The following LRP12 variants were observed in gnomAD, a reference collection of about 807,000 sequenced individuals.
LRP12 encodes low-density lipoprotein receptor-related protein 12.
In LRP12, 14 loss-of-function variants were observed where a neutral mutation model predicts 66.0. The observed-to-expected ratio is 0.21, with a 90% CI of 0.14 to 0.33. LRP12 has a LOEUF of 0.33. Among genes scored for constraint, LRP12 ranks in the 10% least tolerant of loss-of-function variants. LRP12 has a pLI of 1.00. For missense variants in LRP12, 889 were observed against 1,053.4 expected, an observed-to-expected ratio of 0.84 and a Z score of 2.16; for synonymous variants, 357 against 359.1, an observed-to-expected ratio of 0.99 and a Z score of 0.07.
At chr8:104,556,630 G>C (rs1048947882) in intron 1 of LRP12, among the ~76,000 whole-genome samples, 1 of 151,936 alleles carries the variant, frequency 6.6e-6, no homozygotes, top group Non-Finnish European at 1.5e-5. Context: ...TTAAAAAATT[G>C]TTCACAAAAA....
chr8:104,509,113 C>A (rs368532895), intron 2 of LRP12, 39 bp from the exon 3 acceptor site: 2 of 1,597,396 alleles, frequency 1.3e-6, no homozygotes, highest in African/African-American at 2.7e-5. Flanking sequence ...TATTATTACA[C>A]ATTTAAATGG....
At chr8:104,552,779 G>C (rs537473285) in intron 1 of LRP12, among the ~76,000 whole-genome samples, 2 of 152,170 alleles carry the variant, frequency 1.3e-5, no homozygotes, top group Admixed American at 1.3e-4. Context: ...AGACAGAGCA[G>C]TGTGTGGAGA....
chr8:104,542,032 G>A (rs995330856), intron 1 of LRP12, among the ~76,000 whole-genome samples: 1 of 152,118 alleles, frequency 6.6e-6, no homozygotes, highest in Admixed American at 6.5e-5. Flanking sequence ...GAACTGGTGG[G>A]TCATATGGTA....
intron 1 of LRP12, among the ~76,000 whole-genome samples, chr8:104,559,771 A>G (rs891234326): frequency 2.6e-5 from 4 of 152,138 alleles, no homozygotes; most frequent in African/African-American, 9.7e-5. Context: ...CTTGTTAATC[A>G]TACCATTTGA....
At chr8:104,498,965 T>G (rs1810781240) in intron 4 of LRP12, among the ~76,000 whole-genome samples, 1 of 152,216 alleles carries the variant, frequency 6.6e-6, no homozygotes, top group Non-Finnish European at 1.5e-5. Context: ...GTCTTTTCTC[T>G]GGAGGTATAA....
At chr8:104,516,422 T>C (rs1811073107) in intron 2 of LRP12, among the ~76,000 whole-genome samples, 1 of 152,052 alleles carries the variant, frequency 6.6e-6, no homozygotes, top group Non-Finnish European at 1.5e-5. Context: ...ACTGAATACA[T>C]ATTTTTAAAA....
chr8:104,542,994 A>AATATAAATATATATATAT (rs544043214), intron 1 of LRP12, among the ~76,000 whole-genome samples: 33 of 144,114 alleles, frequency 2.3e-4, no homozygotes, highest in African/African-American at 8.1e-4. Context: ...AACACACACA[A>AATATAAATATATATATAT]ATATATATAT....
intron 3 of LRP12, chr8:104,504,417 C>G (rs1810874522): frequency 6.6e-6 from 1 of 151,914 alleles, no homozygotes; most frequent in Non-Finnish European, 1.5e-5. Context: ...TATTTATTTT[C>G]TAATTTTTAA....
At chr8:104,577,424 C>G (rs1030758173) in intron 1 of LRP12, among the ~76,000 whole-genome samples, 1 of 152,134 alleles carries the variant, frequency 6.6e-6, no homozygotes, top group African/African-American at 2.4e-5. Context: ...GACTAAGAGA[C>G]TCACTAAAAA....
intron 2 of LRP12, among the ~76,000 whole-genome samples, chr8:104,510,363 A>AT (rs754660989): frequency 1.6e-4 from 25 of 152,220 alleles, no homozygotes; most frequent in Admixed American, 1.2e-3. Context: ...TAAAAGTAAA[A>AT]TTTTGAAATA....
chr8:104,548,600 A>AACTATATAATTAAATTAATTATATAATT (rs1811672946), intron 1 of LRP12, among the ~76,000 whole-genome samples: 1 of 112,866 alleles, frequency 8.9e-6, no homozygotes, highest in Non-Finnish European at 1.7e-5. Context: ...TATAATATAG[A>AACTATATAATTAAATTAATTATATAATT]ATTATATAAT....
At chr8:104,562,815 G>A (rs570413351) in intron 1 of LRP12, among the ~76,000 whole-genome samples, 2 of 152,146 alleles carry the variant, frequency 1.3e-5, no homozygotes, top group Non-Finnish European at 2.9e-5. Context: ...CTTGAGGGTA[G>A]GTAGTGTAAA....
intron 2 of LRP12, among the ~76,000 whole-genome samples, chr8:104,526,301 T>C (rs1811237402): frequency 1.3e-5 from 2 of 152,086 alleles, no homozygotes; most frequent in Admixed American, 6.6e-5. Flanking sequence ...AAGCTACCAA[T>C]GACTTCCTTC....
chr8:104,490,845 C>T lies in LRP12; in HGVS notation c.2408G>A (p.Gly803Glu), dbSNP rs1374661643. 6.2e-7 allele frequency: 1 copy of T among 1,614,072 alleles called. No individual in the cohort carries two copies. Residue 803 changes from glycine to glutamate, a missense_variant, in exon 7 of 7, where the codon GGA (glycine) becomes GAA (glutamate). This residue lies in a region of LRP12 where 800 missense variants were observed against 964.5 expected (regional missense o/e 0.83). Coordinates refer to ENST00000276654, the MANE Select transcript of LRP12 (RefSeq NM_013437.5). Reference protein sequence around the residue: ...RPLLDLASDQGQGLRQPYNAT... With the variant: ...RPLLDLASDQEQGLRQPYNAT... ...ATTATATGGTTGTCTAAGCCCTTGTCCTTGATCTGAGGCAAGATCAAGAAG... is the reference window on the plus strand; with the variant it reads ...ATTATATGGTTGTCTAAGCCCTTGTTCTTGATCTGAGGCAAGATCAAGAAG...
At chr8:104,518,911 G>A (rs936868365) in intron 2 of LRP12, among the ~76,000 whole-genome samples, 5 of 151,992 alleles carry the variant, frequency 3.3e-5, no homozygotes, top group African/African-American at 1.2e-4. Flanking sequence ...CTTAATAATG[G>A]ACAGTCTGGA....
At chr8:104,552,349 A>C (rs571577314) in intron 1 of LRP12, among the ~76,000 whole-genome samples, 61 of 150,204 alleles carry the variant, frequency 4.1e-4, no homozygotes, top group African/African-American at 1.4e-3. Context: ...AATCTAATAA[A>C]TGTATAAATA....
At chr8:104,519,399 A>G (rs1811116203) in intron 2 of LRP12, among the ~76,000 whole-genome samples, 1 of 152,032 alleles carries the variant, frequency 6.6e-6, no homozygotes, top group Non-Finnish European at 1.5e-5. Flanking sequence ...AATTACTAGC[A>G]CTTGAACATA....
At chr8:104,501,597 G>C (rs765375117) in intron 3 of LRP12, among the ~76,000 whole-genome samples, 15 of 151,756 alleles carry the variant, frequency 9.9e-5, no homozygotes, top group Admixed American at 5.3e-4. Flanking sequence ...CCAGCTACTC[G>C]GGAGGCTGAG....
At chr8:104,526,128 C>T (rs767284330) in intron 2 of LRP12, among the ~76,000 whole-genome samples, 5,150 of 151,786 alleles carry the variant, frequency 0.034, 118 homozygotes, top group Middle Eastern at 0.055. Context: ...TTACAAGGGA[C>T]GTGAAGGACC....
Sources: allele counts gnomAD v4.1 joint callset (sites outside exome capture counted in the v4.1 genomes callset), GRCh38; gene constraint gnomAD v4.1.1; regional missense constraint gnomAD v4.1.1; transcripts MANE v1.5; gene names NCBI Gene and HGNC (gene_info 2026-07-23, HGNC 2026-07-21).